PPP1R1B: variants seen among roughly 807,000 people sequenced by gnomAD.
PPP1R1B encodes protein phosphatase 1 regulatory subunit 1B.
In PPP1R1B, 13 loss-of-function variants were observed where a neutral mutation model predicts 28.2. The observed-to-expected ratio is 0.46, with a 90% CI of 0.30 to 0.73. The LOEUF is 0.73. Among genes scored for constraint, PPP1R1B ranks in the 30% least tolerant of loss-of-function variants. The pLI is 0.07. For synonymous variants in PPP1R1B, 102 were observed against 97.5 expected (o/e 1.05, Z -0.27); for missense variants, 236 against 256.7 (o/e 0.92, Z 0.55).
At chr17:39,635,747 AT>A in intron 6 of PPP1R1B, 21 bp downstream of exon 6, 1 of 1,612,284 alleles carries the variant, frequency 6.2e-7, no homozygotes, top group Non-Finnish European at 8.5e-7. Flanking sequence ...GGAGTGTGAA[AT>A]GGGGAGGAGG....
intron 1 of PPP1R1B, among the ~76,000 whole-genome samples, chr17:39,628,262 T>C (rs1200594341): frequency 6.8e-6 from 1 of 147,312 alleles, no homozygotes. Flanking sequence ...TGGGGGGAGA[T>C]AGAGGGCAGG....
intron 4 of PPP1R1B, among the ~76,000 whole-genome samples, chr17:39,631,661 T>C (rs2056879048): frequency 6.6e-6 from 1 of 152,138 alleles, no homozygotes; most frequent in African/African-American, 2.4e-5. Context: ...CAGGTATACC[T>C]GTCAGCCCAC....
chr17:39,627,483 C>A lies in PPP1R1B; in HGVS notation c.81+10C>A. The stretch of plus-strand genomic sequence containing the variant: ...CCGCCAGGTGGAGATGGTAAGGGGC[C>A]CGTGCCCCACCCCGGCAGCGTACCC... On this transcript the variant is annotated intron_variant, in intron 1 of 6. Coordinates refer to ENST00000254079, the MANE Select transcript of PPP1R1B (RefSeq NM_032192.4). The A allele has an allele frequency of 6.7e-7, 1 of 1,503,684 alleles. No individual in the cohort carries two copies. Among genetic ancestry groups the A allele is most frequent in the Non-Finnish European group, 9.0e-7 (1 of 1,105,618 alleles). 93.1% of individuals were successfully genotyped at this position (1,503,684 alleles called of 1,614,324 possible).
intron 4 of PPP1R1B, chr17:39,632,879 T>C (rs1254200651): frequency 6.6e-6 from 1 of 152,138 alleles, no homozygotes; most frequent in Non-Finnish European, 1.5e-5. Flanking sequence ...GAGGGGCCAC[T>C]GGCAGACCAA....
Position 39,633,883 on chromosome 17 carries a change from C to G in PPP1R1B, c.242C>G (p.Ala81Gly), listed in dbSNP as rs751406867. 9.3e-6 allele frequency: 15 copies of G among 1,613,554 alleles called. No individual in the cohort carries two copies. The highest frequency in any genetic ancestry group is 1.3e-5 in the Non-Finnish European group (15 of 1,179,784). The change falls in exon 5 of 7, where the codon GCT becomes GGT. Residue 81 changes from alanine (A) to glycine (G), a missense_variant and splice_region_variant. Transcript: ENST00000254079. ...CTTTCCTCGGTCTCCTCTGTGCCAG[C>G]TGTGCAGCGCATTGCTGAGTCTCAC... ...PCAYTPPSLK[A>G]VQRIAESHLQ... is the part of the protein sequence containing the mutation.
chr17:39,627,443 T>A lies in PPP1R1B; in HGVS notation c.51T>A (p.Pro17=). Residue 17 remains proline (P), a synonymous_variant, in exon 1 of 7, where the codon CCT becomes CCA. Transcript: ENST00000254079. ...KKIQFSVPAP[P]SQLDPRQVEM... ...TCCAGTTCTCGGTGCCCGCGCCCCC[T>A]AGCCAGCTCGACCCCCGCCAGGTGG... The A allele has an allele frequency of 6.3e-7, 1 of 1,599,160 alleles. No individual in the cohort carries two copies.
At chr17:39,628,378 T>C in intron 1 of PPP1R1B, 1 of 354,680 alleles carries the variant, frequency 2.8e-6, no homozygotes, top group South Asian at 1.2e-4. Context: ...TCTTTGTGCA[T>C]TTCCCTGGAG....
chr17:39,630,388 C>T (rs903121970), intron 4 of PPP1R1B: 7 of 335,470 alleles, frequency 2.1e-5, no homozygotes, highest in Non-Finnish European at 3.4e-5. Flanking sequence ...CCCACCCCTG[C>T]TCATCCAGGG....
chr17:39,635,286 T>A (rs769335441), intron 5 of PPP1R1B, among the ~76,000 whole-genome samples: 1 of 152,166 alleles, frequency 6.6e-6, no homozygotes, highest in African/African-American at 2.4e-5. Flanking sequence ...GATAGTCCTA[T>A]GATGGAGCAA....
intron 4 of PPP1R1B, among the ~76,000 whole-genome samples, chr17:39,631,507 C>T (rs192248372): frequency 1.3e-5 from 2 of 152,220 alleles, no homozygotes; most frequent in Non-Finnish European, 2.9e-5. Flanking sequence ...ACCAACCCCC[C>T]ACCTCAACTC....
chr17:39,632,000 G>T (rs373212444), intron 4 of PPP1R1B: 1 of 152,276 alleles, frequency 6.6e-6, no homozygotes, highest in Admixed American at 6.5e-5. Flanking sequence ...GGATGAAGAT[G>T]TTAGGGCCAG....
At chr17:39,629,916 A>G in intron 3 of PPP1R1B, 56 bp from the exon 4 acceptor site, 1 of 1,531,298 alleles carries the variant, frequency 6.5e-7, no homozygotes. Context: ...GAATGGAGGG[A>G]TGGTGAAGGC....
rs189326612 is a variant in PPP1R1B at position 39,633,834 on chromosome 17, T to C, written c.242-49T>C. The stretch of plus-strand genomic sequence containing the variant: ...AGGCCACAGGCTATCTCCAGATCCA[T>C]GGGCTGTGTCTAGCTGACCCTTGCT... On this transcript the variant is annotated intron_variant, in intron 4 of 6. Transcript: ENST00000254079. 97 of 1,608,544 alleles carry C rather than the reference T, an allele frequency of 6.0e-5. No individual in the cohort carries two copies. The East Asian group carries it at 2.0e-3, about 33-fold the overall frequency.
intron 4 of PPP1R1B, among the ~76,000 whole-genome samples, chr17:39,630,741 C>G (rs753053055): frequency 6.6e-6 from 1 of 152,126 alleles, no homozygotes; most frequent in Non-Finnish European, 1.5e-5. Context: ...TTGGGCAATA[C>G]AGTGAGACCC....
intron 2 of PPP1R1B, 71 bp from the exon 3 acceptor site, chr17:39,629,467 CTT>C (rs1456457317): frequency 1.7e-5 from 27 of 1,585,612 alleles, no homozygotes; most frequent in Non-Finnish European, 2.3e-5. Flanking sequence ...AACTCGGATT[CTT>C]TCTCTCTCTC....
rs757592685 is a variant in PPP1R1B, at chr17:39,634,084, C to A, written c.443C>A (p.Ser148Tyr). Residue 148 changes from serine to tyrosine, a missense_variant and splice_region_variant, in exon 5 of 7, where the codon TCT becomes TAT. Physicochemically the swap from Ser to Tyr is moderately radical, Grantham distance 144. Transcript: ENST00000254079. ...GAAGTCCTGAAGGTCATCAGGCAGT[C>A]TGGTAAGCTGAGGGGCCTGTGACAT... ...QAEVLKVIRQ[S>Y]AGQKTTCGQG... 11 of 1,613,564 alleles carry A rather than the reference C, an allele frequency of 6.8e-6. No individual in the cohort carries two copies. In the East Asian group the frequency reaches 1.6e-4, roughly 23 times the overall value.
At chr17:39,633,638 G>C (rs1018388700) in intron 4 of PPP1R1B, 5 of 488,624 alleles carry the variant, frequency 1.0e-5, no homozygotes, top group African/African-American at 7.8e-5. Flanking sequence ...GGAGCTGCCT[G>C]GGGGCTAGCA....
rs1187549468 is a variant in PPP1R1B, at chr17:39,636,459, GT to G, written c.*598del. The G allele has an allele frequency of 6.5e-6, 1 of 152,952 alleles. No homozygotes were observed. The highest frequency in any genetic ancestry group is 2.4e-5 in the African/African-American group (1 of 41,422). 9.5% of individuals were successfully genotyped at this position (152,952 alleles called of 1,614,324 possible). A position where few individuals can be genotyped will look rare whatever the true frequency, so the allele number is the denominator to read the frequency against. ...GGACTGGCAGAGACCTCTTTGTTGC[GT>G]TTTGTGCTTTGATGCCAGGAATGCC... On this transcript the variant is annotated 3_prime_UTR_variant, in exon 7 of 7. Coordinates refer to ENST00000254079, the MANE Select transcript of PPP1R1B (RefSeq NM_032192.4).
intron 4 of PPP1R1B, among the ~76,000 whole-genome samples, chr17:39,631,966 C>T (rs2056881087): frequency 3.9e-5 from 6 of 152,180 alleles, no homozygotes; most frequent in Admixed American, 1.3e-4. Context: ...TGGCTCTTGA[C>T]TGCAAGCATG....
Sources: gnomAD v4.1 joint callset for allele counts (sites outside exome capture counted in the v4.1 genomes callset) on GRCh38, gnomAD v4.1.1 for gene constraint, MANE v1.5 for transcripts, NCBI Gene and HGNC (gene_info 2026-07-23, HGNC 2026-07-21) for gene names.